The following SRSF3 variants were observed in gnomAD, a reference collection of about 807,000 sequenced individuals.
SRSF3 encodes the protein serine/arginine-rich splicing factor 3.
For missense variants in SRSF3, 58 were observed against 217.1 expected (o/e 0.27, Z 4.61); for synonymous variants, 87 against 73.6 (o/e 1.18, Z -0.93).
chr6:36,596,303 G>A (rs1372123169), intron 1 of SRSF3, among the ~76,000 whole-genome samples: 3 of 152,018 alleles, frequency 2.0e-5, no homozygotes, highest in Non-Finnish European at 2.9e-5. Context: ...TAGGTACTTT[G>A]AATCGCTTGC....
rs1234746416 is a variant in SRSF3 at position 36,601,191 on chromosome 6, G to A, written c.380+1G>A. 6.2e-7 allele frequency: 1 copy of A among 1,613,300 alleles called. No homozygotes were observed. Among genetic ancestry groups the A allele is most frequent in the African/African-American group, 1.3e-5 (1 of 74,736 alleles). On this transcript the variant is annotated splice_donor_variant, in intron 4 of 5. Transcript: ENST00000373715. LOFTEE classifies it high-confidence loss of function. ...GAAGCTTCTCTCGCAGCCGGAGCAG[G>A]TAAATGACTACCTTTTTTGGCTACG...
At position 36,603,507 on chromosome 6, in the gene SRSF3, A is replaced by G. The variant is rs1778753867; in HGVS notation, c.*1518A>G. On this transcript the variant is annotated 3_prime_UTR_variant, in exon 6 of 6. Coordinates refer to ENST00000373715, the MANE Select transcript of SRSF3 (RefSeq NM_003017.5). ...CGGTATTGACTGTCTTAAATATGAA[A>G]GATAAGTCATTGCATTAAGAGTTCA... is the stretch of plus-strand genomic sequence containing the variant. The G allele has an allele frequency of 1.3e-5, 3 of 225,828 alleles. No individual in the cohort carries two copies. The highest frequency in any genetic ancestry group is 4.4e-5 in the African/African-American group (2 of 44,974). The allele number at this position is 225,828 out of a possible 1,614,324, so 14.0% of individuals were successfully genotyped here.
intron 3 of SRSF3, among the ~76,000 whole-genome samples, 191 bp downstream of exon 3, chr6:36,599,174 C>T (rs866324246): frequency 6.6e-5 from 10 of 152,030 alleles, no homozygotes; most frequent in Admixed American, 4.6e-4. Flanking sequence ...GGTCACTGTT[C>T]ATGTTGGTAG....
rs59352669 is a variant in SRSF3 at position 36,602,268 on chromosome 6, T to G, written c.*279T>G. The G allele has an allele frequency of 1.7e-3, 763 of 459,988 alleles. 4 individuals carry two copies. The highest frequency in any genetic ancestry group is 0.012 in the African/African-American group (615 of 49,602). The allele number at this position is 459,988 out of a possible 1,614,324, so 28.5% of individuals were successfully genotyped here. A position where few individuals can be genotyped will look rare whatever the true frequency, so the allele number is the denominator to read the frequency against. ...TTTGAACTTTTAGTTATGCACAGAC[T>G]GATAATAAACCTCTAAACCTGCCCA... On this transcript the variant is annotated 3_prime_UTR_variant, in exon 6 of 6. Transcript: ENST00000373715.
intron 1 of SRSF3, among the ~76,000 whole-genome samples, chr6:36,595,508 C>T (rs1778612177): frequency 6.6e-6 from 1 of 152,200 alleles, no homozygotes. Context: ...TTCCCTGTCC[C>T]CCTTCCTCTA....
At position 36,602,929 on chromosome 6, in the gene SRSF3, A is replaced by G. The variant is rs1346237304; in HGVS notation, c.*940A>G. 1 of 215,104 alleles carries G rather than the reference A, an allele frequency of 4.6e-6. No individual in the cohort carries two copies. Among genetic ancestry groups the G allele is most frequent in the African/African-American group, 2.3e-5 (1 of 44,290 alleles). The allele number at this position is 215,104 out of a possible 1,614,324, so 13.3% of individuals were successfully genotyped here. On this transcript the variant is annotated 3_prime_UTR_variant, in exon 6 of 6. Coordinates refer to ENST00000373715, the MANE Select transcript of SRSF3 (RefSeq NM_003017.5). ...AATATTAGCATAATTGTGTATAGTC[A>G]GTTGAACCCACTGTTACCATTGTTC...
At position 36,602,274 on chromosome 6, in the gene SRSF3, T is replaced by A; in HGVS notation, c.*285T>A. 1 of 401,268 alleles carries A rather than the reference T, an allele frequency of 2.5e-6. No individual in the cohort carries two copies. The highest frequency in any genetic ancestry group is 4.3e-6 in the Non-Finnish European group (1 of 234,434). The allele number at this position is 401,268 out of a possible 1,614,324, so 24.9% of individuals were successfully genotyped here. A position where few individuals can be genotyped will look rare whatever the true frequency, so the allele number is the denominator to read the frequency against. ...CTTTTAGTTATGCACAGACTGATAA[T>A]AAACCTCTAAACCTGCCCAGCGGAA... On this transcript the variant is annotated 3_prime_UTR_variant, in exon 6 of 6. Transcript: ENST00000373715.
At chr6:36,598,764 G>C in intron 2 of SRSF3, 85 bp from the exon 3 acceptor site, 1 of 1,493,678 alleles carries the variant, frequency 6.7e-7, no homozygotes, top group East Asian at 2.3e-5. Flanking sequence ...GTTCTTTGCA[G>C]AATAGCCAAC....
intron 2 of SRSF3, 134 bp downstream of exon 2, chr6:36,597,102 T>G: frequency 3.5e-6 from 2 of 573,216 alleles, no homozygotes; most frequent in East Asian, 6.6e-5. Flanking sequence ...GGGATCTTTT[T>G]TTTTTTTTTT....
At chr6:36,599,124 G>A in intron 3 of SRSF3, 141 bp downstream of exon 3, 1 of 1,078,632 alleles carries the variant, frequency 9.3e-7, no homozygotes, top group South Asian at 1.6e-5. Flanking sequence ...GGTGTAATTT[G>A]GGGTATGTGA....
chr6:36,596,928 C>G lies in SRSF3; in HGVS notation c.166C>G (p.Pro56Ala). ...PGFAFVEFED[P>A]RDAADAVREL... ...CTTTGCTTTTGTTGAATTTGAAGAT[C>G]CCCGAGATGCAGCTGATGCAGTCCG... The change falls in exon 2 of 6, where the codon CCC (proline) becomes GCC (alanine). Residue 56 changes from proline to alanine, a missense_variant. By Grantham distance (27) the Pro-to-Ala change is conservative (BLOSUM62 -1). Transcript: ENST00000373715. 1 of 1,613,860 alleles carries G rather than the reference C, an allele frequency of 6.2e-7. No homozygotes were observed.
chr6:36,596,558 T>G, intron 1 of SRSF3, among the ~76,000 whole-genome samples: 1 of 62,990 alleles, frequency 1.6e-5, no homozygotes, highest in African/African-American at 6.8e-5. Context: ...GGAGTAAAGA[T>G]AATGGGGCGG....
chr6:36,601,940 C>CTTTTTTTGTTTTT, intron 5 of SRSF3, 22 bp from the exon 6 acceptor site: 2 of 1,432,078 alleles, frequency 1.4e-6, no homozygotes. Context: ...GTTTTGTTTT[C>CTTTTTTTGTTTTT]TTTTTTTTTT....
rs548602618 is a variant in SRSF3, at chr6:36,599,346, A to AT, written c.341+365dup. The stretch of plus-strand genomic sequence containing the variant: ...TCTTCACAAATTTGTGTTTTCTACT[A>AT]TTAGCACAATTGTAATATTTATCAA... On this transcript the variant is annotated intron_variant, in intron 3 of 5. Coordinates refer to ENST00000373715, the MANE Select transcript of SRSF3 (RefSeq NM_003017.5). 2.0e-3 allele frequency: 425 copies of AT among 212,952 alleles called. 2 individuals carry two copies. Among genetic ancestry groups the AT allele is most frequent in the African/African-American group, 9.5e-3 (410 of 43,332 alleles). 13.2% of individuals were successfully genotyped at this position (212,952 alleles called of 1,614,324 possible). A position where few individuals can be genotyped will look rare whatever the true frequency, so the allele number is the denominator to read the frequency against.
intron 3 of SRSF3, chr6:36,599,510 G>T: frequency 4.8e-6 from 1 of 209,634 alleles, no homozygotes; most frequent in Non-Finnish European, 1.0e-5. Flanking sequence ...AGAAAATTCA[G>T]TTTTTTTATA....
rs1384712360 is a variant in SRSF3 at position 36,602,090 on chromosome 6, C to T, written c.*101C>T. On this transcript the variant is annotated 3_prime_UTR_variant, in exon 6 of 6. Coordinates refer to ENST00000373715, the MANE Select transcript of SRSF3 (RefSeq NM_003017.5). ...TGTTTGAGACTTCATAAGCTTGGTGCATTTTTAAGATGTTTTAGCTGTTCA... is the reference window on the plus strand; with the variant it reads ...TGTTTGAGACTTCATAAGCTTGGTGTATTTTTAAGATGTTTTAGCTGTTCA... 3 of 1,536,658 alleles carry T rather than the reference C, an allele frequency of 2.0e-6. No homozygotes were observed. The highest frequency in any genetic ancestry group is 4.6e-5 in the Admixed American group (2 of 43,872).
At chr6:36,597,443 C>T (rs1778649388) in intron 2 of SRSF3, among the ~76,000 whole-genome samples, 1 of 152,082 alleles carries the variant, frequency 6.6e-6, no homozygotes, top group African/African-American at 2.4e-5. Flanking sequence ...TGAACTGATC[C>T]TTGTTTAAAA....
Position 36,601,805 on chromosome 6 carries a change from T to C in SRSF3, c.467+11T>C. ...CTCTAGGTCTCGTAGGTAAGATCTT[T>C]GATAACTTGTATTTAAGACTTTGCA... On this transcript the variant is annotated intron_variant, in intron 5 of 5. Transcript: ENST00000373715. 7.5e-6 allele frequency: 12 copies of C among 1,606,470 alleles called. No homozygotes were observed. The highest frequency in any genetic ancestry group is 1.0e-5 in the Non-Finnish European group (12 of 1,173,794).
intron 5 of SRSF3, 21 bp from the exon 6 acceptor site, chr6:36,601,935 GTTTTCT>G: frequency 7.6e-7 from 1 of 1,318,550 alleles, no homozygotes; most frequent in East Asian, 2.8e-5. Context: ...GTAATGTTTT[GTTTTCT>G]TTTTTTTTTT....
Sources: gnomAD v4.1 joint callset for allele counts (sites outside exome capture counted in the v4.1 genomes callset) on GRCh38, gnomAD v4.1.1 for gene constraint, MANE v1.5 for transcripts, NCBI Gene and HGNC (gene_info 2026-07-23, HGNC 2026-07-21) for gene names.